The following ABI2 variants were observed in gnomAD, a reference collection of about 807,000 sequenced individuals.
The protein encoded by ABI2 is abelson interactor 2.
ABI2 carries 25 observed loss-of-function variants against 59.2 expected under a neutral mutation model. The ratio of observed to expected loss-of-function variants is 0.42; its 90% CI spans 0.31 to 0.59. The LOEUF is 0.59. Among genes scored for constraint, ABI2 ranks in the 20% least tolerant of loss-of-function variants. The pLI, the probability that ABI2 is intolerant of heterozygous loss-of-function variation, is 0.14. For missense variants in ABI2, 545 were observed against 681.8 expected (o/e 0.80, Z 2.23); for synonymous variants, 213 against 235.5 (o/e 0.90, Z 0.87).
intron 2 of ABI2, among the ~76,000 whole-genome samples, chr2:203,372,482 T>A (rs1337898373): frequency 2.0e-5 from 3 of 151,796 alleles, no homozygotes; most frequent in Non-Finnish European, 4.4e-5. Context: ...GCAGAGGGGC[T>A]CCTCACATCC....
intron 10 of ABI2, among the ~76,000 whole-genome samples, chr2:203,416,519 C>CTTCT (rs1003286305): frequency 1.2e-4 from 18 of 152,268 alleles, no homozygotes; most frequent in African/African-American, 4.1e-4. Flanking sequence ...TGGTCTTGAA[C>CTTCT]TTCTGACCTC....
intron 9 of ABI2, among the ~76,000 whole-genome samples, chr2:203,407,011 T>C (rs2097454489): frequency 6.6e-6 from 1 of 152,212 alleles, no homozygotes; most frequent in South Asian, 2.1e-4. Context: ...CTTTTCTTTT[T>C]GGACCATGTA....
In ABI2 at chr2:203,384,599, C is replaced by T. The variant is rs535665496; in HGVS notation, c.480+2393C>T. Among the ~76,000 whole-genome samples, 18 of 152,020 alleles carry T rather than the reference C, an allele frequency of 1.2e-4. No homozygotes were observed. In the East Asian group the frequency reaches 1.6e-3, roughly 13 times the overall value. ...TGTTGGGATTACAGTTGTGAGCCACCGTGCCTGGCCAGTACTCTTTTAGTA... is the reference window on the plus strand; with the variant it reads ...TGTTGGGATTACAGTTGTGAGCCACTGTGCCTGGCCAGTACTCTTTTAGTA... On this transcript the variant is annotated intron_variant, in intron 4 of 11. Transcript: ENST00000261018.
intron 2 of ABI2, chr2:203,367,292 C>T: frequency 2.9e-6 from 1 of 339,846 alleles, no homozygotes; most frequent in Non-Finnish European, 4.8e-6. Flanking sequence ...ACATAATCAG[C>T]CCTATAATGA....
At chr2:203,392,929 T>C (rs771585397) in intron 5 of ABI2, among the ~76,000 whole-genome samples, 1 of 151,896 alleles carries the variant, frequency 6.6e-6, no homozygotes, top group Admixed American at 6.6e-5. Context: ...TTTTTCCACA[T>C]AGTCTTTGCC....
At chr2:203,413,535 G>C (rs557902803) in intron 10 of ABI2, among the ~76,000 whole-genome samples, 1 of 152,118 alleles carries the variant, frequency 6.6e-6, no homozygotes, top group Admixed American at 6.5e-5. Context: ...ACAGTTGATT[G>C]CCTTTTGGAT....
intron 3 of ABI2, among the ~76,000 whole-genome samples, chr2:203,381,760 A>T (rs1338100358): frequency 2.0e-5 from 3 of 152,366 alleles, no homozygotes; most frequent in African/African-American, 4.8e-5. Context: ...AGACACTTAG[A>T]ATATAAAAGA....
chr2:203,380,350 A>G lies in ABI2; in HGVS notation c.428A>G (p.Tyr143Cys), dbSNP rs766075623. Residue 143 changes from tyrosine (Y) to cysteine (C), a missense_variant, in exon 3 of 12, where the codon TAT becomes TGT. Physicochemically the swap from Tyr to Cys is radical, Grantham distance 194. Transcript: ENST00000261018. The part of the protein sequence containing the change: ...PVRYIRKPID[Y>C]TILDDIGHGV... ...CGTTATATTAGAAAACCTATTGACT[A>G]TACAATTCTAGATGATATTGGACAT... The G allele has an allele frequency of 1.1e-5, 17 of 1,587,846 alleles. No homozygotes were observed. The highest frequency in any genetic ancestry group is 2.4e-5 in the South Asian group (2 of 84,904).
chr2:203,409,090 G>C (rs927995838), intron 9 of ABI2, among the ~76,000 whole-genome samples: 1 of 150,632 alleles, frequency 6.6e-6, no homozygotes, highest in Non-Finnish European at 1.5e-5. Flanking sequence ...CACCCGCCTC[G>C]GCCTCCCAAA....
At chr2:203,351,409 T>C (rs574346899) in intron 1 of ABI2, 31 of 326,754 alleles carry the variant, frequency 9.5e-5, no homozygotes, top group South Asian at 7.6e-4. Context: ...ATATTGAATC[T>C]GTAGATAAAC....
chr2:203,376,871 T>C (rs893010396), intron 2 of ABI2, among the ~76,000 whole-genome samples: 1 of 152,064 alleles, frequency 6.6e-6, no homozygotes, highest in Admixed American at 6.6e-5. Flanking sequence ...TAAGATCAAA[T>C]GAACAGATTT....
chr2:203,370,276 T>TG (rs201694906), intron 2 of ABI2, among the ~76,000 whole-genome samples: 2,089 of 148,368 alleles, frequency 0.014, 24 homozygotes, highest in Non-Finnish European at 0.022. Flanking sequence ...GGTTGGGGGA[T>TG]GGGGTCTCAT....
chr2:203,420,093 G>A (rs2098131387), intron 11 of ABI2, among the ~76,000 whole-genome samples: 1 of 152,190 alleles, frequency 6.6e-6, no homozygotes, highest in Non-Finnish European at 1.5e-5. Flanking sequence ...ACTATTAATA[G>A]TTAAGTGTTA....
chr2:203,341,410 G>A (rs1211815644), intron 1 of ABI2, among the ~76,000 whole-genome samples: 2 of 152,114 alleles, frequency 1.3e-5, no homozygotes, highest in African/African-American at 2.4e-5. Context: ...AATGTCGGAG[G>A]GCAGTGAAAT....
chr2:203,396,361 T>C (rs2096983931), intron 7 of ABI2, among the ~76,000 whole-genome samples: 1 of 152,096 alleles, frequency 6.6e-6, no homozygotes, highest in Non-Finnish European at 1.5e-5. Flanking sequence ...CATAAAGATT[T>C]GTGTTTTAAA....
At chr2:203,358,071 T>TGTGTG (rs1234117326) in intron 1 of ABI2, among the ~76,000 whole-genome samples, 34 of 128,852 alleles carry the variant, frequency 2.6e-4, no homozygotes, top group African/African-American at 1.0e-3. Context: ...CCTGGCCTGT[T>TGTGTG]TGTGTGTGTG....
chr2:203,343,727 A>G (rs927504681), intron 1 of ABI2, among the ~76,000 whole-genome samples: 6 of 152,222 alleles, frequency 3.9e-5, no homozygotes, highest in Admixed American at 2.6e-4. Flanking sequence ...TTATTTGCAT[A>G]TAGGCTCTTC....
At chr2:203,344,567 G>T (rs60880097) in intron 1 of ABI2, among the ~76,000 whole-genome samples, 3 of 144,026 alleles carry the variant, frequency 2.1e-5, no homozygotes, top group East Asian at 4.0e-4. Context: ...TGTTGTTTTT[G>T]TTTTTTTTTT....
chr2:203,394,885 G>A, intron 6 of ABI2, 39 bp downstream of exon 6: 1 of 1,605,178 alleles, frequency 6.2e-7, no homozygotes. Flanking sequence ...GATGGTCATA[G>A]TACCATAATC....
Sources: allele counts gnomAD v4.1 joint callset (sites outside exome capture counted in the v4.1 genomes callset), GRCh38; gene constraint gnomAD v4.1.1; transcripts MANE v1.5; gene names NCBI Gene and HGNC (gene_info 2026-07-23, HGNC 2026-07-21).